Variants in MEI1 observed in about 807,000 individuals in gnomAD.
The protein encoded by MEI1 is meiosis inhibitor protein 1.
Under a neutral mutation model 146.2 loss-of-function variants are expected in MEI1, and 103 were observed. The observed-to-expected ratio is 0.70, with a 90% CI of 0.60 to 0.83. The LOEUF is 0.83. Among genes scored for constraint, MEI1 ranks in the 40% least tolerant of loss-of-function variants. The probability of loss-of-function intolerance (pLI) is 0.00; values close to 1 mark genes in which losing one functional copy is unlikely to be tolerated. For missense variants in MEI1, 1,529 were observed against 1,533.0 expected (o/e 1.00, Z 0.04); for synonymous variants, 652 against 628.2 (o/e 1.04, Z -0.57).
intron 3 of MEI1, among the ~76,000 whole-genome samples, chr22:41,713,395 A>C (rs1236725603): frequency 1.3e-5 from 2 of 151,850 alleles, no homozygotes; most frequent in Non-Finnish European, 2.9e-5. Flanking sequence ...TGAGCCCAGG[A>C]GTTCAAGGCT....
chr22:41,784,966 C>G (rs182983995), intron 26 of MEI1, among the ~76,000 whole-genome samples, 183 bp downstream of exon 26: 1 of 141,514 alleles, frequency 7.1e-6, no homozygotes, highest in East Asian at 1.9e-4. Context: ...GACAGAGTTT[C>G]GCTCTTGTTG....
At position 41,730,648 on chromosome 22, in the gene MEI1, A is replaced by G. The variant is rs190646469; in HGVS notation, c.1096+11A>G. ...GCCACACGGTGTATGGTTGGTAGTAAGGGTCCTGTACTAGCTTTGGGTTGG... is the reference window on the plus strand; with the variant it reads ...GCCACACGGTGTATGGTTGGTAGTAGGGGTCCTGTACTAGCTTTGGGTTGG... On this transcript the variant is annotated intron_variant, in intron 9 of 30. Coordinates refer to ENST00000401548, the MANE Select transcript of MEI1 (RefSeq NM_152513.4). 7.3e-4 allele frequency: 1,154 copies of G among 1,581,598 alleles called. No individual in the cohort carries two copies. Among genetic ancestry groups the G allele is most frequent in the Non-Finnish European group, 9.2e-4 (1,053 of 1,150,534 alleles).
intron 26 of MEI1, 67 bp downstream of exon 26, chr22:41,784,850 G>T: frequency 7.3e-7 from 1 of 1,373,660 alleles, no homozygotes; most frequent in South Asian, 1.6e-5. Flanking sequence ...GCTGCCTGTC[G>T]AGAGCCTGAT....
intron 15 of MEI1, 130 bp downstream of exon 15, chr22:41,748,348 T>G (rs1364700427): frequency 3.4e-5 from 23 of 677,922 alleles, no homozygotes; most frequent in Non-Finnish European, 5.8e-5. Context: ...ATCTATTCTT[T>G]GTCCAGTGAT....
chr22:41,707,028 CAAAAAAAAA>C (rs59421678), intron 3 of MEI1, among the ~76,000 whole-genome samples: 53,607 of 131,024 alleles, frequency 0.41, 10,754 homozygotes, highest in East Asian at 0.63. Flanking sequence ...CCATCTCTAC[CAAAAAAAAA>C]AAAAAAAAAA....
intron 12 of MEI1, among the ~76,000 whole-genome samples, chr22:41,743,735 T>C (rs1477901950): frequency 6.6e-6 from 1 of 152,228 alleles, no homozygotes; most frequent in Non-Finnish European, 1.5e-5. Flanking sequence ...GTGGGGATTT[T>C]CTTGTGTTTT....
chr22:41,774,255 T>C (rs2075331327), intron 20 of MEI1: 1 of 152,236 alleles, frequency 6.6e-6, no homozygotes, highest in Admixed American at 6.5e-5. Context: ...TATGGTGGGG[T>C]CCTCACGTTC....
At position 41,763,156 on chromosome 22, in the gene MEI1, G is replaced by A. The variant is rs1372839695; in HGVS notation, c.2121-18G>A. ...TGCCAACTCTGCCTTTCTCACTCAG[G>A]CTTTTCTTGGTTGACAGGTTTGTCT... is the stretch of plus-strand genomic sequence containing the variant. On this transcript the variant is annotated intron_variant, in intron 18 of 30. Transcript: ENST00000401548. 1 of 1,612,634 alleles carries A rather than the reference G, an allele frequency of 6.2e-7. No homozygotes were observed. The highest frequency in any genetic ancestry group is 8.5e-7 in the Non-Finnish European group (1 of 1,179,220).
intron 20 of MEI1, among the ~76,000 whole-genome samples, chr22:41,774,997 T>G (rs913630388): frequency 6.6e-5 from 10 of 152,276 alleles, no homozygotes; most frequent in African/African-American, 1.9e-4. Flanking sequence ...CTGTCCTCCC[T>G]GGAGAGGGAG....
In MEI1 at chr22:41,760,830, G is replaced by T. The variant is rs73163309; in HGVS notation, c.2120+2297G>T. On this transcript the variant is annotated intron_variant, in intron 18 of 30. Coordinates refer to ENST00000401548, the MANE Select transcript of MEI1 (RefSeq NM_152513.4). ...GTTTCACAGTGTTCTTCCATACAATGCCTGAAATATATGTGTAACATCGGG... is the reference window on the plus strand; with the variant it reads ...GTTTCACAGTGTTCTTCCATACAATTCCTGAAATATATGTGTAACATCGGG... Among the ~76,000 whole-genome samples, 698 of 152,268 alleles carry T rather than the reference G, an allele frequency of 4.6e-3. 3 individuals carry two copies. The highest frequency in any genetic ancestry group is 0.02 in the Middle Eastern group (6 of 294).
At chr22:41,764,645 G>T (rs994155944) in intron 19 of MEI1, among the ~76,000 whole-genome samples, 2 of 152,190 alleles carry the variant, frequency 1.3e-5, no homozygotes, top group Non-Finnish European at 2.9e-5. Context: ...TGAATCAGAC[G>T]TGGTCCTTGA....
chr22:41,717,081 T>A (rs1249103401), intron 5 of MEI1, among the ~76,000 whole-genome samples: 1 of 152,112 alleles, frequency 6.6e-6, no homozygotes, highest in Non-Finnish European at 1.5e-5. Flanking sequence ...AGCACTTTTT[T>A]CTGTCAGTGA....
At chr22:41,738,393 C>A (rs2147686338) in intron 11 of MEI1, among the ~76,000 whole-genome samples, 1 of 152,116 alleles carries the variant, frequency 6.6e-6, no homozygotes, top group Non-Finnish European at 1.5e-5. Context: ...TCGAGAACAG[C>A]CTGACCAACG....
chr22:41,753,587 C>T (rs1407406792), intron 16 of MEI1: 1 of 158,470 alleles, frequency 6.3e-6, no homozygotes, highest in Non-Finnish European at 1.4e-5. Flanking sequence ...TCAAGTGATT[C>T]TCCTGCCTCA....
At chr22:41,723,807 G>A (rs2071079536) in intron 6 of MEI1, 136 bp from the exon 7 acceptor site, 2 of 1,153,394 alleles carry the variant, frequency 1.7e-6, no homozygotes, top group African/African-American at 1.6e-5. Flanking sequence ...GCAAATTGGT[G>A]CTTAAGGATT....
At chr22:41,740,750 A>G (rs2072791390) in intron 11 of MEI1, among the ~76,000 whole-genome samples, 1 of 152,094 alleles carries the variant, frequency 6.6e-6, no homozygotes, top group Admixed American at 6.6e-5. Context: ...ACAAAAACAA[A>G]AACAAACCCA....
intron 19 of MEI1, 142 bp from the exon 20 acceptor site, chr22:41,770,544 A>G (rs997227034): frequency 1.3e-5 from 9 of 719,282 alleles, no homozygotes; most frequent in Admixed American, 2.9e-5. Context: ...TTTTCTCACT[A>G]AAGTGCCTTG....
chr22:41,737,466 C>G (rs1018164095), intron 11 of MEI1, among the ~76,000 whole-genome samples: 1 of 152,038 alleles, frequency 6.6e-6, no homozygotes, highest in African/African-American at 2.4e-5. Flanking sequence ...ATCTCGATCT[C>G]CTGACCTCAT....
chr22:41,749,244 C>T (rs2073568141), intron 15 of MEI1, among the ~76,000 whole-genome samples: 1 of 151,844 alleles, frequency 6.6e-6, no homozygotes. Context: ...GCCATGTAGG[C>T]CCTTGTTGGC....
Sources: allele counts gnomAD v4.1 joint callset (sites outside exome capture counted in the v4.1 genomes callset), GRCh38; gene constraint gnomAD v4.1.1; transcripts MANE v1.5; gene names NCBI Gene and HGNC (gene_info 2026-07-23, HGNC 2026-07-21).